POU6F2: variants seen among roughly 807,000 people sequenced by gnomAD.
POU6F2 encodes POU class 6 homeobox 2.
Under a neutral mutation model 71.3 loss-of-function variants are expected in POU6F2, and 31 were observed. The observed-to-expected ratio is 0.43, with a 90% CI of 0.33 to 0.59. POU6F2 has a LOEUF of 0.59. Ranked by LOEUF, POU6F2 falls within the 20% of genes least tolerant of loss-of-function variation. The pLI, the probability that POU6F2 is intolerant of heterozygous loss-of-function variation, is 0.04. For missense variants in POU6F2, 783 were observed against 856.8 expected, an observed-to-expected ratio of 0.91 and a Z score of 1.07; for synonymous variants, 347 against 355.7, an observed-to-expected ratio of 0.98 and a Z score of 0.27.
At chr7:39,165,667 G>A (rs1343714185) in intron 2 of POU6F2, among the ~76,000 whole-genome samples, 2 of 152,098 alleles carry the variant, frequency 1.3e-5, no homozygotes, top group Non-Finnish European at 2.9e-5. Context: ...TGACATAAAA[G>A]TTTTCCAAGA....
At chr7:39,407,802 A>C (rs1026456644) in intron 6 of POU6F2, among the ~76,000 whole-genome samples, 1 of 152,194 alleles carries the variant, frequency 6.6e-6, no homozygotes, top group Non-Finnish European at 1.5e-5. Flanking sequence ...TCCAGGGAAA[A>C]AAAGCTGACC....
At chr7:39,272,024 G>C (rs1450738628) in intron 4 of POU6F2, among the ~76,000 whole-genome samples, 2 of 152,018 alleles carry the variant, frequency 1.3e-5, no homozygotes, top group Non-Finnish European at 2.9e-5. Flanking sequence ...TGTTAGATCA[G>C]ATTACAGAAA....
intron 2 of POU6F2, among the ~76,000 whole-genome samples, chr7:39,170,562 C>T (rs565654888): frequency 2.6e-5 from 4 of 152,052 alleles, no homozygotes; most frequent in Non-Finnish European, 5.9e-5. Flanking sequence ...TGAAGGCTTA[C>T]CTAATCCTCA....
chr7:39,082,749 G>C (rs966158162), intron 1 of POU6F2, among the ~76,000 whole-genome samples: 5 of 148,708 alleles, frequency 3.4e-5, no homozygotes, highest in African/African-American at 1.2e-4. Flanking sequence ...ATTAAAAGCT[G>C]TCTGCTCTCT....
intron 5 of POU6F2, among the ~76,000 whole-genome samples, chr7:39,361,368 G>A (rs1786384946): frequency 6.6e-6 from 1 of 152,224 alleles, no homozygotes; most frequent in East Asian, 1.9e-4. Context: ...AGGCAAGGCT[G>A]TCATTTTTTT....
chr7:39,146,554 C>T (rs1792630495), intron 2 of POU6F2, among the ~76,000 whole-genome samples: 1 of 152,120 alleles, frequency 6.6e-6, no homozygotes, highest in Admixed American at 6.6e-5. Context: ...TTGATAGCCA[C>T]GTTTGATAGC....
intron 2 of POU6F2, among the ~76,000 whole-genome samples, chr7:39,195,133 A>G (rs1011846272): frequency 7.2e-5 from 11 of 152,248 alleles, no homozygotes; most frequent in African/African-American, 2.7e-4. Context: ...TTCAAGATTC[A>G]TATTCCTATT....
rs1791705959 is a variant in POU6F2 at position 39,107,060 on chromosome 7, T to C, written c.277+21029T>C. 2.0e-5 allele frequency among the ~76,000 whole-genome samples: 3 copies of C among 151,480 alleles called. No individual in the cohort carries two copies. The South Asian group carries it at 6.3e-4, about 32-fold the overall frequency. ...CTTTCTTTTTTTTTTTTTTTCTTTT[T>C]TTTCAAACAAGGCCTACTCTGTTGC... is the stretch of plus-strand genomic sequence containing the variant. On this transcript the variant is annotated intron_variant, in intron 2 of 9. Coordinates refer to ENST00000518318, the MANE Select transcript of POU6F2 (RefSeq NM_001370959.1).
intron 4 of POU6F2, among the ~76,000 whole-genome samples, chr7:39,321,795 G>A (rs967524126): frequency 1.3e-5 from 2 of 151,840 alleles, no homozygotes; most frequent in African/African-American, 4.8e-5. Context: ...GGAGGAAAAT[G>A]GAGGAGGAAG....
At chr7:39,373,102 G>T (rs1001494409) in intron 5 of POU6F2, among the ~76,000 whole-genome samples, 1 of 152,110 alleles carries the variant, frequency 6.6e-6, no homozygotes, top group Non-Finnish European at 1.5e-5. Flanking sequence ...TTTTAAAAAT[G>T]CAGATTAAAG....
rs185910472 is a variant in POU6F2 at position 39,283,011 on chromosome 7, T to G, written c.599-56631T>G. On this transcript the variant is annotated intron_variant, in intron 4 of 9. Coordinates refer to ENST00000518318, the MANE Select transcript of POU6F2 (RefSeq NM_001370959.1). Reference sequence around the variant, plus strand: ...AGATCTTTCAACTCCTTGGTCAAATTTATTCTTAGGTAACTTCTTTTTTTG... The same window carrying G: ...AGATCTTTCAACTCCTTGGTCAAATGTATTCTTAGGTAACTTCTTTTTTTG... Among the ~76,000 whole-genome samples the G allele has an allele frequency of 2.0e-5, 3 of 152,226 alleles. No individual in the cohort carries two copies. In the East Asian group the frequency reaches 5.8e-4, roughly 29 times the overall value.
chr7:39,104,629 A>T (rs1562707663), intron 2 of POU6F2, among the ~76,000 whole-genome samples: 2 of 152,210 alleles, frequency 1.3e-5, no homozygotes, highest in African/African-American at 4.8e-5. Context: ...TTGGAAGTCA[A>T]CAGCATCATT....
At chr7:39,260,153 TAC>T (rs1293820907) in intron 4 of POU6F2, among the ~76,000 whole-genome samples, 1 of 89,972 alleles carries the variant, frequency 1.1e-5, no homozygotes, top group Non-Finnish European at 2.3e-5. Flanking sequence ...TCTGTACTCA[TAC>T]ACACACCGCA....
chr7:39,380,262 C>A (rs1258860433), intron 5 of POU6F2, among the ~76,000 whole-genome samples: 1 of 152,178 alleles, frequency 6.6e-6, no homozygotes, highest in South Asian at 2.1e-4. Context: ...CAGCTACTCC[C>A]AGGCCTCTTG....
At chr7:39,395,277 C>T (rs1218014672) in intron 5 of POU6F2, among the ~76,000 whole-genome samples, 1 of 152,160 alleles carries the variant, frequency 6.6e-6, no homozygotes, top group Non-Finnish European at 1.5e-5. Context: ...CCCAAAATAT[C>T]AGAAGTGCCA....
intron 5 of POU6F2, among the ~76,000 whole-genome samples, chr7:39,397,938 C>T (rs1229369375): frequency 6.6e-6 from 1 of 151,320 alleles, no homozygotes; most frequent in Non-Finnish European, 1.5e-5. Context: ...CCTGCCTCAG[C>T]CTCCCAAGTA....
intron 1 of POU6F2, among the ~76,000 whole-genome samples, chr7:39,046,538 A>T (rs1790295542): frequency 6.6e-6 from 1 of 151,912 alleles, no homozygotes; most frequent in Non-Finnish European, 1.5e-5. Flanking sequence ...TTTCTTCTAG[A>T]TCAGGATTTT....
intron 5 of POU6F2, among the ~76,000 whole-genome samples, chr7:39,379,198 G>A (rs750570021): frequency 5.3e-5 from 8 of 152,158 alleles, no homozygotes; most frequent in East Asian, 3.9e-4. Context: ...CATCATTCTC[G>A]TGGAAATACA....
chr7:39,208,979 T>C (rs1421472463), intron 4 of POU6F2, among the ~76,000 whole-genome samples: 1 of 152,098 alleles, frequency 6.6e-6, no homozygotes, highest in East Asian at 1.9e-4. Flanking sequence ...ATATTATAAA[T>C]AAACATAAGC....
Sources: gnomAD v4.1 joint callset for allele counts (sites outside exome capture counted in the v4.1 genomes callset) on GRCh38, gnomAD v4.1.1 for gene constraint, MANE v1.5 for transcripts, NCBI Gene and HGNC (gene_info 2026-07-23, HGNC 2026-07-21) for gene names.